Variants in ADCY5 observed in about 807,000 individuals in gnomAD.
The protein encoded by ADCY5 is adenylate cyclase 5, also known as adenylate cyclase type 5.
A neutral mutation model predicts 119.7 loss-of-function variants in ADCY5; 30 were observed. The ratio of observed to expected loss-of-function variants is 0.25; its 90% CI spans 0.19 to 0.34. ADCY5 has a LOEUF of 0.34. Among genes scored for constraint, ADCY5 ranks in the 10% least tolerant of loss-of-function variants. ADCY5 has a pLI of 1.00. For synonymous variants in ADCY5, 753 were observed against 762.2 expected, an observed-to-expected ratio of 0.99 and a Z score of 0.20; for missense variants, 1,324 against 1,775.2, an observed-to-expected ratio of 0.75 and a Z score of 4.57.
At chr3:123,384,642 C>T (rs926279250) in intron 1 of ADCY5, among the ~76,000 whole-genome samples, 9 of 152,146 alleles carry the variant, frequency 5.9e-5, no homozygotes, top group Non-Finnish European at 4.4e-5. Flanking sequence ...TTCACTACGC[C>T]CACAGATTAT....
rs1240324735 is a variant in ADCY5 at position 123,327,751 on chromosome 3, T to C, written c.1814A>G (p.His605Arg). The C allele has an allele frequency of 6.2e-7, 1 of 1,613,960 alleles. No individual in the cohort carries two copies. The highest frequency in any genetic ancestry group is 8.5e-7 in the Non-Finnish European group (1 of 1,180,012). ...MEAGGKAGRI[H>R]ITKATLNYLN... Reference sequence around the variant, plus strand: ...GTAGTTGAGTGTAGCCTTGGTGATGTGGATGCGTCTACAGGGGGGCAGGGA... The same window carrying C: ...GTAGTTGAGTGTAGCCTTGGTGATGCGGATGCGTCTACAGGGGGGCAGGGA... The change falls in exon 7 of 21, where the codon CAC becomes CGC. Residue 605 changes from histidine to arginine, a missense_variant. Coordinates refer to ENST00000462833, the MANE Select transcript of ADCY5 (RefSeq NM_183357.3).
intron 12 of ADCY5, among the ~76,000 whole-genome samples, chr3:123,305,141 G>A (rs754066536): frequency 6.6e-6 from 1 of 152,156 alleles, no homozygotes; most frequent in African/African-American, 2.4e-5. Flanking sequence ...TGAGCAAGCC[G>A]CATCCCATCT....
chr3:123,321,156 C>T (rs533127318), intron 8 of ADCY5, among the ~76,000 whole-genome samples: 1 of 152,266 alleles, frequency 6.6e-6, no homozygotes, highest in East Asian at 1.9e-4. Context: ...TCGGGAATTG[C>T]TGGGCTGCAC....
chr3:123,359,359 TATA>T (rs1943162013), intron 1 of ADCY5, among the ~76,000 whole-genome samples: 2 of 122,916 alleles, frequency 1.6e-5, no homozygotes, highest in African/African-American at 6.2e-5. Flanking sequence ...TATATATATA[TATA>T]TTCATTATTT....
chr3:123,331,505 A>C (rs1439739435), intron 4 of ADCY5, among the ~76,000 whole-genome samples: 3 of 152,216 alleles, frequency 2.0e-5, no homozygotes, highest in African/African-American at 7.2e-5. Context: ...AGCTTTAACC[A>C]AAAGCTCACT....
rs1048875178 is a variant in ADCY5, at chr3:123,296,039, C to T, written c.3063+45G>A. 8 of 1,605,592 alleles carry T rather than the reference C, an allele frequency of 5.0e-6. No individual in the cohort carries two copies. The East Asian group carries it at 6.7e-5, about 13-fold the overall frequency. ...ACGAGCCTGTTGTCTCCGCCACCTG[C>T]TCCCAAATGCCTCCCTCCCCAGGTC... On this transcript the variant is annotated intron_variant, in intron 17 of 20. Coordinates refer to ENST00000462833, the MANE Select transcript of ADCY5 (RefSeq NM_183357.3).
At chr3:123,345,765 G>GACACACACACACACAC (rs1491192654) in intron 3 of ADCY5, among the ~76,000 whole-genome samples, 75 of 135,430 alleles carry the variant, frequency 5.5e-4, no homozygotes, top group African/African-American at 2.0e-3. Flanking sequence ...CAGACAGACA[G>GACACACACACACACAC]ACAGACACAC....
At chr3:123,423,461 C>A (rs1168903025) in intron 1 of ADCY5, among the ~76,000 whole-genome samples, 1 of 152,190 alleles carries the variant, frequency 6.6e-6, no homozygotes. Context: ...TCTTTAGGCG[C>A]CGAGGACTGG....
Position 123,304,066 on chromosome 3 carries a change from C to T in ADCY5, c.2559+1G>A, listed in dbSNP as rs2108269869. 6.2e-7 allele frequency: 1 copy of T among 1,605,830 alleles called. No homozygotes were observed. Among genetic ancestry groups the T allele is most frequent in the Non-Finnish European group, 8.5e-7 (1 of 1,172,488 alleles). Reference sequence around the variant, plus strand: ...TGCTAGGAGGTCGTGCAGCCACCCACCATGTTGACAAAAGCCGCCAGGAAC... The same window carrying T: ...TGCTAGGAGGTCGTGCAGCCACCCATCATGTTGACAAAAGCCGCCAGGAAC... On this transcript the variant is annotated splice_donor_variant, in intron 13 of 20. Transcript: ENST00000462833. LOFTEE classifies it high-confidence loss of function.
At chr3:123,314,038 C>A (rs1407843626) in intron 12 of ADCY5, among the ~76,000 whole-genome samples, 197 bp downstream of exon 12, 1 of 152,186 alleles carries the variant, frequency 6.6e-6, no homozygotes, top group Non-Finnish European at 1.5e-5. Flanking sequence ...AGAACAGGCT[C>A]CCACTGACCA....
chr3:123,391,772 C>T (rs1944406922), intron 1 of ADCY5, among the ~76,000 whole-genome samples: 1 of 152,222 alleles, frequency 6.6e-6, no homozygotes. Flanking sequence ...CCAGGGGGTG[C>T]CATTCACAAG....
intron 8 of ADCY5, among the ~76,000 whole-genome samples, chr3:123,322,282 T>C (rs930396148): frequency 3.3e-5 from 5 of 152,208 alleles, no homozygotes; most frequent in South Asian, 4.1e-4. Flanking sequence ...ATATTACATA[T>C]ATGCTGGTCT....
chr3:123,291,689 G>A (rs1402774512), intron 17 of ADCY5, among the ~76,000 whole-genome samples: 1 of 152,184 alleles, frequency 6.6e-6, no homozygotes, highest in Non-Finnish European at 1.5e-5. Flanking sequence ...AGGTGAGGCT[G>A]CAAGGATCCT....
At chr3:123,313,075 G>A (rs1940675793) in intron 12 of ADCY5, among the ~76,000 whole-genome samples, 1 of 140,556 alleles carries the variant, frequency 7.1e-6, no homozygotes, top group Non-Finnish European at 1.5e-5. Context: ...GCAACGGATG[G>A]AGCACGCGGC....
intron 1 of ADCY5, among the ~76,000 whole-genome samples, chr3:123,415,606 GC>G (rs1945167886): frequency 6.6e-6 from 1 of 152,344 alleles, no homozygotes; most frequent in African/African-American, 2.4e-5. Flanking sequence ...ATGTCCCACA[GC>G]GCCTCTGTGG....
At chr3:123,343,125 A>G (rs1942367560) in intron 3 of ADCY5, among the ~76,000 whole-genome samples, 1 of 152,186 alleles carries the variant, frequency 6.6e-6, no homozygotes, top group Non-Finnish European at 1.5e-5. Context: ...TCCCCTGGTC[A>G]CTAAACCCTA....
intron 1 of ADCY5, among the ~76,000 whole-genome samples, chr3:123,370,714 C>T (rs762235312): frequency 4.6e-5 from 7 of 152,168 alleles, no homozygotes; most frequent in African/African-American, 1.2e-4. Flanking sequence ...CTCTTTGTTA[C>T]GGCAGCTTAG....
Position 123,335,558 on chromosome 3 carries a change from C to T in ADCY5, c.1407-2883G>A, listed in dbSNP as rs118019356. ...AAGATGATGCTGTCTGTAGGCCCCA[C>T]AGACATCTTAAATGCGTAAAGGTAT... On this transcript the variant is annotated intron_variant, in intron 3 of 20. Transcript: ENST00000462833. Among the ~76,000 whole-genome samples, 380 of 152,262 alleles carry T rather than the reference C, an allele frequency of 2.5e-3. 11 individuals are homozygous for T. The East Asian group carries it at 0.054, about 22-fold the overall frequency.
chr3:123,304,226 G>T, intron 12 of ADCY5, 43 bp from the exon 13 acceptor site: 1 of 1,240,368 alleles, frequency 8.1e-7, no homozygotes, highest in Non-Finnish European at 1.2e-6. Flanking sequence ...GGGAGAGACG[G>T]AATAGCATTC....
Sources: allele counts gnomAD v4.1 joint callset (sites outside exome capture counted in the v4.1 genomes callset), GRCh38; gene constraint gnomAD v4.1.1; transcripts MANE v1.5; gene names NCBI Gene and HGNC (gene_info 2026-07-23, HGNC 2026-07-21).